Variants in MCF2L observed in about 807,000 individuals in gnomAD.
The protein encoded by MCF2L is MCF.2 cell line derived transforming sequence like, also known as guanine nucleotide exchange factor DBS.
A neutral mutation model predicts 153.4 loss-of-function variants in MCF2L; 97 were observed. The observed-to-expected ratio is 0.63, with a 90% CI of 0.54 to 0.75. MCF2L has a LOEUF of 0.75. Among genes scored for constraint, MCF2L ranks in the 30% least tolerant of loss-of-function variants. The pLI, the probability that MCF2L is intolerant of heterozygous loss-of-function variation, is 0.00. For synonymous variants in MCF2L, 659 were observed against 632.2 expected, an observed-to-expected ratio of 1.04 and a Z score of -0.64; for missense variants, 1,347 against 1,495.2, an observed-to-expected ratio of 0.90 and a Z score of 1.64.
intron 2 of MCF2L, among the ~76,000 whole-genome samples, chr13:112,905,249 GCCAGTCCCTGCTACTGTGT>G (rs1428812282): frequency 6.6e-6 from 1 of 152,202 alleles, no homozygotes; most frequent in East Asian, 1.9e-4. Context: ...CCCTAACGCA[GCCAGTCCCTGCTACTGTGT>G]CCAGTCCCCA....
chr13:112,919,449 C>T (rs1038143180), intron 2 of MCF2L, among the ~76,000 whole-genome samples: 2 of 152,084 alleles, frequency 1.3e-5, no homozygotes, highest in African/African-American at 4.8e-5. Context: ...TCGTGATCCG[C>T]CCGCCTCGGC....
chr13:112,894,549 C>T (rs1258316654), intron 1 of MCF2L: 1 of 152,052 alleles, frequency 6.6e-6, no homozygotes, highest in Non-Finnish European at 1.5e-5. Context: ...CCCGCGTCCC[C>T]CTTAGCCTGG....
At chr13:113,061,621 T>G (rs759082263) in intron 5 of MCF2L, among the ~76,000 whole-genome samples, 3 of 144,368 alleles carry the variant, frequency 2.1e-5, no homozygotes, top group Non-Finnish European at 4.5e-5. Context: ...ATGCCAAAGG[T>G]GCAAGAGCCC....
intron 21 of MCF2L, 138 bp downstream of exon 21, chr13:113,086,387 T>G: frequency 8.1e-7 from 1 of 1,238,576 alleles, no homozygotes; most frequent in South Asian, 1.5e-5. Flanking sequence ...GGGTGGTCCC[T>G]AGATAAGCCC....
intron 1 of MCF2L, among the ~76,000 whole-genome samples, chr13:112,986,946 A>T (rs1410105450): frequency 2.0e-5 from 3 of 152,230 alleles, no homozygotes; most frequent in Non-Finnish European, 4.4e-5. Context: ...TTTGATAAGA[A>T]AACAAGCTGG....
chr13:112,999,482 C>T (rs1379226841), intron 1 of MCF2L, among the ~76,000 whole-genome samples: 1 of 152,236 alleles, frequency 6.6e-6, no homozygotes, highest in Non-Finnish European at 1.5e-5. Flanking sequence ...GCCTCCTGCT[C>T]AGAACACAGT....
chr13:112,965,947 C>A (rs1027310635), upstream of MCF2L: 2 of 152,228 alleles, frequency 1.3e-5, no homozygotes, highest in African/African-American at 4.8e-5. Flanking sequence ...ATTCCCCTCA[C>A]GACACTACAG....
rs2140919380 is a variant in MCF2L at position 112,983,254 on chromosome 13, T to G, written c.79+13796T>G. Among the ~76,000 whole-genome samples the G allele has an allele frequency of 6.6e-6, 1 of 152,194 alleles. No individual in the cohort carries two copies. The highest frequency in any genetic ancestry group is 1.5e-5 in the Non-Finnish European group (1 of 67,994). On this transcript the variant is annotated intron_variant, in intron 1 of 29. Coordinates refer to ENST00000535094, the MANE Select transcript of MCF2L (RefSeq NM_001112732.3). The surrounding 1 kb of genome is among the most constrained non-coding windows in gnomAD (Gnocchi z 4.0). ...TAGGGACGGGAAGCTCCAGTAAGAT[T>G]CACCATGGGATTTTTCACCAGAAAC...
intron 2 of MCF2L, chr13:112,909,265 C>T: frequency 1.3e-6 from 1 of 779,802 alleles, no homozygotes; most frequent in East Asian, 2.4e-5. Flanking sequence ...GTCTCGGCAT[C>T]TCGTCCACAG....
chr13:112,922,639 C>T (rs1286347184), intron 2 of MCF2L, among the ~76,000 whole-genome samples: 1 of 152,180 alleles, frequency 6.6e-6, no homozygotes, highest in Admixed American at 6.5e-5. Flanking sequence ...TCAAGACCAG[C>T]CTGGGCTAAA....
At chr13:112,954,370 G>A (rs574736230) in intron 2 of MCF2L, among the ~76,000 whole-genome samples, 1 of 152,194 alleles carries the variant, frequency 6.6e-6, no homozygotes, top group East Asian at 1.9e-4. Flanking sequence ...ACCCTTTCCT[G>A]AAACCTCGAG....
chr13:113,070,236 C>A lies in MCF2L; in HGVS notation c.996+63C>A. On this transcript the variant is annotated intron_variant, in intron 9 of 29. Coordinates refer to ENST00000535094, the MANE Select transcript of MCF2L (RefSeq NM_001112732.3). The surrounding 1 kb of genome is among the most constrained non-coding windows in gnomAD (Gnocchi z 5.6). ...GCTCACGGGGCCTCCTGTGCCTGCGCCCTGGTCCCAGTGCCGGGAGCTGAG... is the reference window on the plus strand; with the variant it reads ...GCTCACGGGGCCTCCTGTGCCTGCGACCTGGTCCCAGTGCCGGGAGCTGAG... The A allele has an allele frequency of 8.5e-7, 1 of 1,181,260 alleles. No homozygotes were observed. Among genetic ancestry groups the A allele is most frequent in the Non-Finnish European group, 1.2e-6 (1 of 856,286 alleles). The allele number at this position is 1,181,260 out of a possible 1,614,324, so 73.2% of individuals were successfully genotyped here.
At chr13:112,972,462 G>A (rs2082073687) in intron 1 of MCF2L, among the ~76,000 whole-genome samples, 1 of 141,638 alleles carries the variant, frequency 7.1e-6, no homozygotes, top group African/African-American at 2.6e-5. Flanking sequence ...GGGTGGATGA[G>A]TGGGTGTGTG....
At chr13:112,903,728 G>T (rs780322964) in intron 2 of MCF2L, among the ~76,000 whole-genome samples, 3 of 152,210 alleles carry the variant, frequency 2.0e-5, no homozygotes, top group Non-Finnish European at 4.4e-5. Context: ...AATGAGAGGT[G>T]AGGACTGAGC....
At chr13:113,083,282 C>T (rs1377295788) in intron 17 of MCF2L, among the ~76,000 whole-genome samples, 2 of 152,170 alleles carry the variant, frequency 1.3e-5, no homozygotes, top group Non-Finnish European at 2.9e-5. Context: ...CCATGGGAAT[C>T]GCCAGTGCTT....
intron 1 of MCF2L, among the ~76,000 whole-genome samples, chr13:112,901,223 A>G (rs1335324398): frequency 2.0e-5 from 3 of 152,054 alleles, no homozygotes; most frequent in Non-Finnish European, 4.4e-5. Flanking sequence ...GTGCAATCTC[A>G]GCTCACTGCA....
chr13:112,990,894 G>A (rs1344842925), intron 1 of MCF2L, among the ~76,000 whole-genome samples: 2 of 152,234 alleles, frequency 1.3e-5, no homozygotes, highest in African/African-American at 2.4e-5. Context: ...TGAGGAGAGC[G>A]CAGCTGGCTG....
chr13:112,996,844 G>A (rs991444071), intron 1 of MCF2L, among the ~76,000 whole-genome samples: 2 of 152,222 alleles, frequency 1.3e-5, no homozygotes, highest in Non-Finnish European at 2.9e-5. Flanking sequence ...TGTGTTGTCT[G>A]CATCTGTGCA....
intron 1 of MCF2L, among the ~76,000 whole-genome samples, chr13:112,897,981 A>G (rs942705498): frequency 2.1e-4 from 31 of 149,384 alleles, no homozygotes; most frequent in African/African-American, 6.7e-4. Flanking sequence ...GTCCAGCCCC[A>G]GCCCCGGCCC....
Sources: gnomAD v4.1 joint callset for allele counts (sites outside exome capture counted in the v4.1 genomes callset) on GRCh38, gnomAD v4.1.1 for gene constraint, Gnocchi (gnomAD v3.1) non-coding constraint, MANE v1.5 for transcripts, NCBI Gene and HGNC (gene_info 2026-07-23, HGNC 2026-07-21) for gene names.